ROBO2: variants seen among roughly 807,000 people sequenced by gnomAD.
The protein encoded by ROBO2 is roundabout homolog 2.
A neutral mutation model predicts 160.8 loss-of-function variants in ROBO2; 53 were observed. The observed-to-expected ratio is 0.33, with a 90% CI of 0.26 to 0.41. The LOEUF (loss-of-function observed/expected upper bound fraction) is 0.41, where lower values mean the gene tolerates loss of function less well. Among genes scored for constraint, ROBO2 ranks in the 10% least tolerant of loss-of-function variants. The probability of loss-of-function intolerance (pLI) is 1.00; values close to 1 mark genes in which losing one functional copy is unlikely to be tolerated. For synonymous variants in ROBO2, 664 were observed against 611.7 expected, an observed-to-expected ratio of 1.09 and a Z score of -1.26; for missense variants, 1,577 against 1,722.4, an observed-to-expected ratio of 0.92 and a Z score of 1.49.
intron 2 of ROBO2, among the ~76,000 whole-genome samples, chr3:76,143,112 G>T (rs865887672): frequency 1.3e-5 from 2 of 151,886 alleles, no homozygotes; most frequent in African/African-American, 4.8e-5. Context: ...CAGCATCCTC[G>T]AACTCCCTGG....
chr3:76,070,586 A>G (rs2068419080), intron 2 of ROBO2, among the ~76,000 whole-genome samples: 1 of 152,052 alleles, frequency 6.6e-6, no homozygotes, highest in African/African-American at 2.4e-5. Context: ...TTGCCTTGTG[A>G]TATTCTATTA....
intron 2 of ROBO2, among the ~76,000 whole-genome samples, chr3:76,552,690 T>TGTA (rs1381104357): frequency 1.3e-5 from 2 of 152,186 alleles, no homozygotes; most frequent in Non-Finnish European, 2.9e-5. Flanking sequence ...TGTGAACCCA[T>TGTA]GTAGAATATA....
intron 2 of ROBO2, among the ~76,000 whole-genome samples, chr3:77,249,616 G>A (rs1176582599): frequency 3.1e-5 from 3 of 96,996 alleles, no homozygotes; most frequent in Non-Finnish European, 2.3e-5. Context: ...AATTTTAGAA[G>A]TTACAACTTT....
At chr3:76,815,444 T>C (rs777534609) in intron 2 of ROBO2, among the ~76,000 whole-genome samples, 1 of 148,484 alleles carries the variant, frequency 6.7e-6, no homozygotes, top group Non-Finnish European at 1.5e-5. Context: ...CCAGAAAAAT[T>C]GAAAAAAAAA....
At chr3:76,135,807 AT>A (rs113706383) in intron 2 of ROBO2, among the ~76,000 whole-genome samples, 1 of 152,086 alleles carries the variant, frequency 6.6e-6, no homozygotes, top group East Asian at 1.9e-4. Flanking sequence ...GCACTTTACA[AT>A]TTTTTCTTTT....
At chr3:77,116,992 A>G (rs930471691) in intron 2 of ROBO2, among the ~76,000 whole-genome samples, 1 of 152,208 alleles carries the variant, frequency 6.6e-6, no homozygotes, top group African/African-American at 2.4e-5. Flanking sequence ...ACACAGCTGA[A>G]TATCGGAAAG....
At chr3:76,938,366 C>CCG (rs1559732901) in intron 2 of ROBO2, among the ~76,000 whole-genome samples, 2 of 150,792 alleles carry the variant, frequency 1.3e-5, no homozygotes, top group Non-Finnish European at 3.0e-5. Flanking sequence ...CCTACCCCCC[C>CCG]CAAAAAAGGC....
chr3:76,885,483 T>C (rs998543772), intron 2 of ROBO2, among the ~76,000 whole-genome samples: 7 of 152,176 alleles, frequency 4.6e-5, no homozygotes, highest in Non-Finnish European at 1.0e-4. Context: ...ATACGTTTTA[T>C]CATAATTTAT....
rs961758378 is a variant in ROBO2 at position 76,213,815 on chromosome 3, A to C, written c.109+276213A>C. 4.6e-5 allele frequency among the ~76,000 whole-genome samples: 7 copies of C among 152,200 alleles called. No individual in the cohort carries two copies. The East Asian group carries it at 1.3e-3, about 29-fold the overall frequency. ...CATGTATTGAGAATAAATTAAGCAA[A>C]GGAATACAAAACACAGAGAATAGCA... On this transcript the variant is annotated intron_variant, in intron 2 of 26. Coordinates refer to the ROBO2 transcript ENST00000487694.
intron 2 of ROBO2, among the ~76,000 whole-genome samples, chr3:77,138,249 TAA>T (rs750758429): frequency 4.6e-5 from 7 of 152,244 alleles, no homozygotes; most frequent in Admixed American, 6.5e-5. Flanking sequence ...CTACAATTAT[TAA>T]GTCTATTTTA....
intron 2 of ROBO2, among the ~76,000 whole-genome samples, chr3:75,985,595 T>C (rs2065393161): frequency 6.6e-6 from 1 of 151,678 alleles, no homozygotes; most frequent in Admixed American, 6.6e-5. Context: ...GAAACATCAT[T>C]ATGTGGTTTA....
intron 2 of ROBO2, among the ~76,000 whole-genome samples, chr3:75,988,898 C>T (rs1041034578): frequency 1.3e-5 from 2 of 151,574 alleles, no homozygotes; most frequent in African/African-American, 4.8e-5. Context: ...TATGTCAGTT[C>T]TATTTTAACT....
Position 76,036,044 on chromosome 3 carries a change from G to A in ROBO2, c.109+98442G>A, listed in dbSNP as rs1465613103. Among the ~76,000 whole-genome samples, 4 of 151,496 alleles carry A rather than the reference G, an allele frequency of 2.6e-5. 1 individual carries two copies. The highest frequency in any genetic ancestry group is 9.7e-5 in the African/African-American group (4 of 41,064). Reference sequence around the variant, plus strand: ...GCTAGAGTCAGGATAGTTGATTCTGGTGCTGAAAAAAAATCAATTAATAAC... The same window carrying A: ...GCTAGAGTCAGGATAGTTGATTCTGATGCTGAAAAAAAATCAATTAATAAC... On this transcript the variant is annotated intron_variant, in intron 2 of 26. Coordinates refer to the ROBO2 transcript ENST00000487694.
chr3:77,485,654 C>A lies in ROBO2; in HGVS notation c.667+4435C>A, dbSNP rs551996496. 1.3e-4 allele frequency among the ~76,000 whole-genome samples: 20 copies of A among 152,132 alleles called. No homozygotes were observed. In the South Asian group the frequency reaches 1.4e-3, roughly 11 times the overall value. On this transcript the variant is annotated intron_variant, in intron 4 of 25. Coordinates refer to ENST00000461745, the Ensembl canonical transcript of ROBO2. ...ATGTTTTCATCAATTAGATTTTAAA[C>A]CTCCTTGGTTTTTCTTTTCTCTAAT...
At chr3:77,434,552 T>A (rs900183288) in intron 2 of ROBO2, among the ~76,000 whole-genome samples, 1 of 152,146 alleles carries the variant, frequency 6.6e-6, no homozygotes, top group Non-Finnish European at 1.5e-5. Context: ...TAGATATTTA[T>A]TGTTGTCACC....
intron 2 of ROBO2, among the ~76,000 whole-genome samples, chr3:76,413,848 T>C (rs1168452918): frequency 6.6e-6 from 1 of 152,224 alleles, no homozygotes; most frequent in East Asian, 1.9e-4. Context: ...TGGGTATCTT[T>C]TCAGCAATGC....
intron 2 of ROBO2, among the ~76,000 whole-genome samples, chr3:76,808,928 C>T (rs1329531591): frequency 6.6e-6 from 1 of 152,086 alleles, no homozygotes; most frequent in East Asian, 1.9e-4. Context: ...AAATATAGCA[C>T]TAACCTTATC....
At chr3:76,326,431 T>C (rs1340970281) in intron 2 of ROBO2, among the ~76,000 whole-genome samples, 1 of 152,256 alleles carries the variant, frequency 6.6e-6, no homozygotes, top group Admixed American at 6.5e-5. Context: ...TATACACACA[T>C]ACTAGTAAAT....
chr3:77,287,151 C>A (rs1459792555), intron 2 of ROBO2, among the ~76,000 whole-genome samples: 1 of 152,142 alleles, frequency 6.6e-6, no homozygotes, highest in Non-Finnish European at 1.5e-5. Context: ...TTGAAATAAA[C>A]CCATGAGAAT....
Sources: gnomAD v4.1 joint callset for allele counts (sites outside exome capture counted in the v4.1 genomes callset) on GRCh38, gnomAD v4.1.1 for gene constraint, MANE v1.5 for transcripts, NCBI Gene and HGNC (gene_info 2026-07-23, HGNC 2026-07-21) for gene names.